IMPA2: variants seen among roughly 807,000 people sequenced by gnomAD.
The protein encoded by IMPA2 is IMP 2.
In IMPA2, 32 loss-of-function variants were observed where a neutral mutation model predicts 35.1. That is an observed-to-expected ratio of 0.91 (90% CI 0.69 to 1.23). IMPA2 has a LOEUF of 1.23. IMPA2 is among the 50% of genes most tolerant of loss of function. The pLI is 0.00. For synonymous variants in IMPA2, 135 were observed against 160.6 expected (o/e 0.84, Z 1.20); for missense variants, 334 against 387.6 (o/e 0.86, Z 1.16).
rs913992939 is a variant in IMPA2 at position 12,010,459 on chromosome 18, G to C, written c.335+472G>C. Among the ~76,000 whole-genome samples the C allele has an allele frequency of 2.0e-5, 3 of 152,216 alleles. No individual in the cohort carries two copies. Among genetic ancestry groups the C allele is most frequent in the Admixed American group, 6.5e-5 (1 of 15,282 alleles). ...AAAAGCAGGAGGTTTGGGGAGGTCA[G>C]AAGGGCCCGTGTGGGGAGGTGAAGG... On this transcript the variant is annotated intron_variant, in intron 3 of 7. Transcript: ENST00000269159. This position sits in a 1 kb window ranked among gnomAD's most constrained non-coding sequence, Gnocchi z 4.8.
intron 1 of IMPA2, among the ~76,000 whole-genome samples, chr18:11,990,991 T>G (rs568262005): frequency 6.6e-6 from 1 of 152,336 alleles, no homozygotes; most frequent in East Asian, 1.9e-4. Flanking sequence ...AGAAGCGCTC[T>G]GTAAGCTTGA....
At chr18:12,018,158 C>G in intron 5 of IMPA2, 1 of 153,800 alleles carries the variant, frequency 6.5e-6, no homozygotes, top group Non-Finnish European at 1.4e-5. Context: ...CCAGGCTGGT[C>G]TTGAACTCCT....
chr18:12,009,827 G>A (rs893758406), intron 2 of IMPA2, 56 bp from the exon 3 acceptor site: 3 of 1,348,020 alleles, frequency 2.2e-6, no homozygotes, highest in African/African-American at 2.9e-5. Context: ...AGCAATTTCA[G>A]GCACGTTATT....
At chr18:12,025,502 G>C (rs1369741315) in intron 5 of IMPA2, among the ~76,000 whole-genome samples, 3 of 152,250 alleles carry the variant, frequency 2.0e-5, no homozygotes, top group African/African-American at 7.2e-5. Flanking sequence ...ATGCATGCGA[G>C]TTCCTGTTGC....
intron 5 of IMPA2, among the ~76,000 whole-genome samples, chr18:12,022,941 ATTTTTTTTTTTTTTT>A (rs35737614): frequency 1.2e-5 from 1 of 81,672 alleles, no homozygotes; most frequent in Non-Finnish European, 2.3e-5. Flanking sequence ...CGCCTGCCTA[ATTTTTTTTTTTTTTT>A]TTTTTTTTTT....
chr18:12,008,983 G>A (rs919838195), intron 2 of IMPA2, among the ~76,000 whole-genome samples: 3 of 151,824 alleles, frequency 2.0e-5, no homozygotes, highest in Non-Finnish European at 4.4e-5. Context: ...CCACATGGAG[G>A]AGTGGAGCCT....
At chr18:12,016,678 CAG>C (rs1907588137) in intron 5 of IMPA2, among the ~76,000 whole-genome samples, 1 of 152,136 alleles carries the variant, frequency 6.6e-6, no homozygotes, top group South Asian at 2.1e-4. Context: ...CTCGGCCTCC[CAG>C]AGTGTTGGGC....
intron 2 of IMPA2, among the ~76,000 whole-genome samples, chr18:12,004,924 C>T (rs1907211185): frequency 6.6e-6 from 1 of 152,216 alleles, no homozygotes; most frequent in South Asian, 2.1e-4. Flanking sequence ...AGACTCTCCC[C>T]ACTCCCTCTG....
Position 12,010,256 on chromosome 18 carries a change from A to G in IMPA2, c.335+269A>G, listed in dbSNP as rs1907396096. The G allele has an allele frequency of 2.7e-6, 1 of 375,372 alleles. No individual in the cohort carries two copies. The highest frequency in any genetic ancestry group is 3.3e-5 in the South Asian group (1 of 30,510). 23.3% of individuals were successfully genotyped at this position (375,372 alleles called of 1,614,324 possible). A position where few individuals can be genotyped will look rare whatever the true frequency, so the allele number is the denominator to read the frequency against. Reference sequence around the variant, plus strand: ...AAATGTTGGGTTGCATTTAACAAGGACCCCTTGAAGGAGTCTGACTCCCCT... The same window carrying G: ...AAATGTTGGGTTGCATTTAACAAGGGCCCCTTGAAGGAGTCTGACTCCCCT... On this transcript the variant is annotated intron_variant, in intron 3 of 7. Transcript: ENST00000269159. This position sits in a 1 kb window ranked among gnomAD's most constrained non-coding sequence, Gnocchi z 4.8.
intron 3 of IMPA2, 114 bp from the exon 4 acceptor site, chr18:12,012,056 C>A: frequency 1.2e-6 from 1 of 839,618 alleles, no homozygotes; most frequent in Non-Finnish European, 1.9e-6. Context: ...AACAACCAAC[C>A]CACCCAGAGT....
intron 2 of IMPA2, among the ~76,000 whole-genome samples, chr18:12,006,992 G>C (rs865981817): frequency 6.6e-6 from 1 of 152,178 alleles, no homozygotes; most frequent in African/African-American, 2.4e-5. Context: ...TTAGCCAGGC[G>C]TGTGGCGCAC....
At chr18:12,000,292 C>T (rs1176783913) in intron 2 of IMPA2, among the ~76,000 whole-genome samples, 1 of 151,200 alleles carries the variant, frequency 6.6e-6, no homozygotes, top group Non-Finnish European at 1.5e-5. Context: ...CCTGCTTCAG[C>T]CTCCTGAGTA....
intron 4 of IMPA2, 192 bp downstream of exon 4, chr18:12,012,407 T>C (rs941770111): frequency 1.7e-6 from 1 of 594,778 alleles, no homozygotes; most frequent in Non-Finnish European, 3.0e-6. Context: ...GTGTGCGGGG[T>C]GGGGCTCCGT....
intron 1 of IMPA2, among the ~76,000 whole-genome samples, chr18:11,993,582 T>C (rs1240203751): frequency 6.6e-6 from 1 of 151,586 alleles, no homozygotes; most frequent in Non-Finnish European, 1.5e-5. Flanking sequence ...CCTGGAGGAG[T>C]GCATGGCCCA....
At chr18:12,027,590 T>TTTTTTTTTA (rs1555647332) in intron 5 of IMPA2, among the ~76,000 whole-genome samples, 2 of 129,110 alleles carry the variant, frequency 1.5e-5, no homozygotes, top group East Asian at 5.8e-4. Context: ...TTTTTTTTTT[T>TTTTTTTTTA]AAAGAAACAG....
At chr18:12,029,105 T>TA in intron 7 of IMPA2, 112 bp downstream of exon 7, 8 of 767,410 alleles carry the variant, frequency 1.0e-5, no homozygotes, top group East Asian at 3.2e-5. Flanking sequence ...CCCCAGAGTT[T>TA]CTGTTTTTTT....
At chr18:12,008,190 T>G (rs1256345561) in intron 2 of IMPA2, 1 of 408,026 alleles carries the variant, frequency 2.5e-6, no homozygotes, top group East Asian at 7.1e-5. Flanking sequence ...GAGACAGGGT[T>G]TCACCATGCT....
chr18:12,006,913 C>T (rs765999322), intron 2 of IMPA2, among the ~76,000 whole-genome samples: 22 of 152,070 alleles, frequency 1.4e-4, no homozygotes, highest in Admixed American at 4.6e-4. Context: ...GGGCGTATCA[C>T]GAGATCAGGA....
At chr18:11,986,658 G>T (rs967115348) in intron 1 of IMPA2, among the ~76,000 whole-genome samples, 5 of 152,124 alleles carry the variant, frequency 3.3e-5, no homozygotes, top group African/African-American at 7.2e-5. Flanking sequence ...AATGAGTGAC[G>T]TAACACTGAA....
Sources: gnomAD v4.1 joint callset for allele counts (sites outside exome capture counted in the v4.1 genomes callset) on GRCh38, gnomAD v4.1.1 for gene constraint, Gnocchi (gnomAD v3.1) non-coding constraint, MANE v1.5 for transcripts, NCBI Gene and HGNC (gene_info 2026-07-23, HGNC 2026-07-21) for gene names.